Variants in TYW1 observed in about 807,000 individuals in gnomAD.
TYW1 encodes the protein tRNA-yW synthesizing protein 1 homolog.
TYW1 carries 46 observed loss-of-function variants against 96.2 expected under a neutral mutation model. That is an observed-to-expected ratio of 0.48 (90% CI 0.38 to 0.61). The LOEUF (loss-of-function observed/expected upper bound fraction) is 0.61. TYW1 is among the 20% of genes least tolerant of loss of function. TYW1 has a pLI of 0.00. For missense variants in TYW1, 684 were observed against 909.6 expected (o/e 0.75, Z 3.19); for synonymous variants, 274 against 323.0 (o/e 0.85, Z 1.63).
chr7:67,044,875 C>T (rs1344610046), intron 7 of TYW1, among the ~76,000 whole-genome samples: 3 of 152,180 alleles, frequency 2.0e-5, no homozygotes, highest in Non-Finnish European at 4.4e-5. Context: ...CCACCTCCAC[C>T]TCCCAAAGTG....
chr7:67,170,418 G>A (rs1275657547), intron 13 of TYW1, among the ~76,000 whole-genome samples: 2 of 152,120 alleles, frequency 1.3e-5, no homozygotes, highest in Non-Finnish European at 1.5e-5. Context: ...GGGTTCCTAT[G>A]CATTTCCATA....
Position 67,014,411 on chromosome 7 carries a change from T to C in TYW1, c.420T>C (p.Thr140=). Residue 140 remains threonine, a synonymous_variant, in exon 5 of 16, where the codon ACT becomes ACC. Coordinates refer to ENST00000359626, the MANE Select transcript of TYW1 (RefSeq NM_018264.4). ...GTGTCTTCCTGGTTGCGACATACAC[T>C]GACGGCCTACCAACTGAAAGTGCAG... The part of the protein sequence containing the change: ...NVCVFLVATY[T]DGLPTESAEW... 1 of 1,613,812 alleles carries C rather than the reference T, an allele frequency of 6.2e-7. No homozygotes were observed. Among genetic ancestry groups the C allele is most frequent in the African/African-American group, 1.3e-5 (1 of 75,038 alleles).
chr7:67,195,695 C>G (rs1563066168), intron 15 of TYW1, among the ~76,000 whole-genome samples: 1 of 152,130 alleles, frequency 6.6e-6, no homozygotes, highest in Non-Finnish European at 1.5e-5. Flanking sequence ...GAGTTTCTAG[C>G]TGTCAGAAGC....
chr7:67,170,066 C>T (rs1276439055), intron 13 of TYW1, among the ~76,000 whole-genome samples: 2 of 152,092 alleles, frequency 1.3e-5, no homozygotes, highest in African/African-American at 2.4e-5. Context: ...CTTATGTTTT[C>T]TTCCAAGAGT....
At chr7:67,006,641 T>C (rs2129238451) in intron 3 of TYW1, among the ~76,000 whole-genome samples, 1 of 151,930 alleles carries the variant, frequency 6.6e-6, no homozygotes, top group Middle Eastern at 3.4e-3. Flanking sequence ...GGTTTCACCA[T>C]GTTGCCCAGG....
At chr7:67,082,439 G>C (rs1381900028) in intron 10 of TYW1, among the ~76,000 whole-genome samples, 1 of 152,204 alleles carries the variant, frequency 6.6e-6, no homozygotes, top group East Asian at 1.9e-4. Flanking sequence ...GGCCTGGACT[G>C]TGGGTGTTTG....
chr7:67,121,493 A>G (rs933246014), intron 13 of TYW1, among the ~76,000 whole-genome samples: 10 of 152,228 alleles, frequency 6.6e-5, no homozygotes, highest in Non-Finnish European at 1.5e-4. Context: ...GTGAGCCGAG[A>G]TCGCACCATT....
At chr7:67,112,632 G>T (rs199666628) in intron 12 of TYW1, among the ~76,000 whole-genome samples, 1 of 145,514 alleles carries the variant, frequency 6.9e-6, no homozygotes, top group Non-Finnish European at 1.5e-5. Flanking sequence ...AAAAAAAAAA[G>T]AAAACAAAAG....
At chr7:67,148,117 G>C (rs1299216938) in intron 13 of TYW1, among the ~76,000 whole-genome samples, 2 of 151,580 alleles carry the variant, frequency 1.3e-5, no homozygotes, top group Admixed American at 6.6e-5. Flanking sequence ...TGGGGTTTGT[G>C]GGGGGGCTTT....
intron 10 of TYW1, among the ~76,000 whole-genome samples, chr7:67,070,823 A>T (rs949407684): frequency 1.3e-5 from 2 of 152,088 alleles, no homozygotes; most frequent in African/African-American, 4.8e-5. Context: ...TATGCAAAGA[A>T]ATGTTTTGTT....
intron 4 of TYW1, among the ~76,000 whole-genome samples, chr7:67,011,635 G>T (rs1251979133): frequency 6.6e-6 from 1 of 152,100 alleles, no homozygotes; most frequent in Non-Finnish European, 1.5e-5. Context: ...ACTTTGGGAG[G>T]CTGAGGTAGG....
chr7:67,182,623 C>G lies in TYW1; in HGVS notation c.1699-503C>G, dbSNP rs532640565. 7.4e-4 allele frequency among the ~76,000 whole-genome samples: 113 copies of G among 152,210 alleles called. 1 individual carries two copies. Among genetic ancestry groups the G allele is most frequent in the African/African-American group, 2.7e-3 (112 of 41,514 alleles). On this transcript the variant is annotated intron_variant, in intron 13 of 15. Coordinates refer to ENST00000359626, the MANE Select transcript of TYW1 (RefSeq NM_018264.4). ...TTGTGGTTATATGGCACACAAATGG[C>G]AACATTGATAATCCATCCATGTGCC... is the stretch of plus-strand genomic sequence containing the variant.
chr7:67,148,529 C>T (rs1414921591), intron 13 of TYW1, among the ~76,000 whole-genome samples: 1 of 151,028 alleles, frequency 6.6e-6, no homozygotes, highest in African/African-American at 2.4e-5. Context: ...GGGTTCACGC[C>T]ATTCTCCTGC....
At chr7:67,180,632 C>CATTTATTTATTT (rs375057980) in intron 13 of TYW1, among the ~76,000 whole-genome samples, 10,611 of 147,462 alleles carry the variant, frequency 0.072, 563 homozygotes, top group African/African-American at 0.14. Flanking sequence ...AATAGAAATG[C>CATTTATTTATTT]ATTTATTTAT....
chr7:67,224,671 A>G (rs1584717435), intron 15 of TYW1, among the ~76,000 whole-genome samples: 3 of 152,320 alleles, frequency 2.0e-5, no homozygotes, highest in South Asian at 2.1e-4. Flanking sequence ...GCCTTCCAAC[A>G]TAATTATTTC....
intron 13 of TYW1, among the ~76,000 whole-genome samples, chr7:67,156,124 A>G (rs1481900859): frequency 6.6e-6 from 1 of 152,168 alleles, no homozygotes; most frequent in Non-Finnish European, 1.5e-5. Flanking sequence ...ATGGCAGACA[A>G]AGATGCCAGT....
rs117092639 is a variant in TYW1, at chr7:67,154,950, C to G, written c.1699-28176C>G. On this transcript the variant is annotated intron_variant, in intron 13 of 15. Coordinates refer to ENST00000359626, the MANE Select transcript of TYW1 (RefSeq NM_018264.4). ...GAGTTCAGAAGTTCTTTCTTCCACT[C>G]TAATCTCTTGTTGATGCTCTTGATT... Among the ~76,000 whole-genome samples, 942 of 152,222 alleles carry G rather than the reference C, an allele frequency of 6.2e-3. 3 individuals are homozygous for G. The highest frequency in any genetic ancestry group is 0.017 in the Middle Eastern group (5 of 294).
chr7:67,057,400 C>T (rs1354277487), intron 9 of TYW1, among the ~76,000 whole-genome samples: 3 of 150,700 alleles, frequency 2.0e-5, no homozygotes, highest in Non-Finnish European at 4.4e-5. Context: ...GACAGAGTCT[C>T]GTTGTCTCAC....
chr7:67,135,111 ACCCTGTCT>A, intron 13 of TYW1, among the ~76,000 whole-genome samples: 1 of 152,026 alleles, frequency 6.6e-6, no homozygotes, highest in East Asian at 1.9e-4. Flanking sequence ...ACAGAGTGAC[ACCCTGTCT>A]AGAATGGATG....
Sources: gnomAD v4.1 joint callset for allele counts (sites outside exome capture counted in the v4.1 genomes callset) on GRCh38, gnomAD v4.1.1 for gene constraint, MANE v1.5 for transcripts, NCBI Gene and HGNC (gene_info 2026-07-23, HGNC 2026-07-21) for gene names.